Variants in DST observed in about 807,000 individuals in gnomAD.
DST encodes the protein dystonin.
Under a neutral mutation model 875.2 loss-of-function variants are expected in DST, and 253 were observed. The ratio of observed to expected loss-of-function variants is 0.29; its 90% confidence interval spans 0.26 to 0.32. The LOEUF is 0.32. Ranked by LOEUF, DST falls within the 10% of genes least tolerant of loss-of-function variation. The probability of loss-of-function intolerance (pLI) is 1.00; values close to 1 mark genes in which losing one functional copy is unlikely to be tolerated. For synonymous variants in DST, 3,124 were observed against 3,197.1 expected (o/e 0.98, Z 0.77); for missense variants, 8,287 against 9,111.6 (o/e 0.91, Z 3.68).
chr6:56,482,337 T>C (rs2095429824), intron 89 of DST, 159 bp from the exon 90 acceptor site: 1 of 858,844 alleles, frequency 1.2e-6, no homozygotes, highest in Non-Finnish European at 1.6e-6. Flanking sequence ...GAGATACACA[T>C]ATTTTACAAG....
chr6:56,839,544 G>A (rs2099797493), intron 4 of DST, among the ~76,000 whole-genome samples: 1 of 152,232 alleles, frequency 6.6e-6, no homozygotes, highest in South Asian at 2.1e-4. Flanking sequence ...TTGAAATCAA[G>A]TTTTTTCAGA....
rs768907971 is a variant in DST at position 56,506,707 on chromosome 6, C to T, written c.19322G>A (p.Gly6441Glu). The change falls in exon 76 of 104, where the codon GGG becomes GAG. Residue 6441 changes from glycine (G) to glutamate (E), a missense_variant. Transcript: ENST00000680361. ...CTTGACAATGGGTTTATCAGGCTCC[C>T]CACATGCCGCAATGAGTTCAGAACC... is the stretch of plus-strand genomic sequence containing the variant. ...NLGSELIAAC[G>E]EPDKPIVKKS... The T allele has an allele frequency of 2.0e-5, 32 of 1,613,538 alleles. No homozygotes were observed. The highest frequency in any genetic ancestry group is 2.5e-5 in the Non-Finnish European group (30 of 1,179,698).
At chr6:56,725,847 T>C (rs563580420) in intron 5 of DST, among the ~76,000 whole-genome samples, 3 of 152,158 alleles carry the variant, frequency 2.0e-5, no homozygotes, top group African/African-American at 7.2e-5. Flanking sequence ...TCTATACATA[T>C]GCAGCAGCAA....
At position 56,954,133 on chromosome 6, in the gene DST, T is replaced by C. The variant is rs147454833; in HGVS notation, c.181+274A>G. On this transcript the variant is annotated intron_variant, in intron 1 of 103. Coordinates refer to ENST00000680361, the MANE Select transcript of DST (RefSeq NM_001374736.1). ...GGCGCAGCCCCGGACTACGCTCAAA[T>C]TACCCTTAAGGCTTTAGCAAACTGA... Among the ~76,000 whole-genome samples, 64 of 152,340 alleles carry C rather than the reference T, an allele frequency of 4.2e-4. 1 individual carries two copies. In the East Asian group the frequency reaches 0.01, roughly 24 times the overall value.
intron 34 of DST, among the ~76,000 whole-genome samples, 177 bp from the exon 35 acceptor site, chr6:56,625,441 G>A (rs1255894178): frequency 6.6e-6 from 1 of 152,078 alleles, no homozygotes; most frequent in Non-Finnish European, 1.5e-5. Flanking sequence ...AAATATAGTC[G>A]TGTTTCACAT....
At chr6:56,735,314 G>A (rs1188113060) in intron 4 of DST, 25 bp from the exon 5 acceptor site, 1 of 1,368,228 alleles carries the variant, frequency 7.3e-7, no homozygotes, top group Admixed American at 2.0e-5. Flanking sequence ...TATATATAAA[G>A]ATAAGGTTGG....
chr6:56,820,711 T>C (rs955589914), intron 4 of DST, among the ~76,000 whole-genome samples: 1 of 152,174 alleles, frequency 6.6e-6, no homozygotes, highest in Non-Finnish European at 1.5e-5. Context: ...AAATAGCTGG[T>C]TGCCAAATAC....
chr6:56,857,672 A>C (rs1245472663), intron 3 of DST, among the ~76,000 whole-genome samples: 1 of 152,254 alleles, frequency 6.6e-6, no homozygotes, highest in African/African-American at 2.4e-5. Context: ...TTTTTTCTCC[A>C]AAATTAGGAA....
At chr6:56,805,598 T>C (rs890086675) in intron 4 of DST, among the ~76,000 whole-genome samples, 3 of 152,202 alleles carry the variant, frequency 2.0e-5, no homozygotes, top group African/African-American at 4.8e-5. Flanking sequence ...AAGACAAGCA[T>C]GGGATGTCAC....
Position 56,476,136 on chromosome 6 carries a change from A to G in DST, c.21864+13T>C. On this transcript the variant is annotated intron_variant, in intron 92 of 103. Coordinates refer to ENST00000680361, the MANE Select transcript of DST (RefSeq NM_001374736.1). ...ATAATGGTTAACAGGAGTTAGGATT[A>G]TATTTATTTTACCTGGTGTTCTGCA... 2.1e-5 allele frequency: 34 copies of G among 1,587,324 alleles called. No individual in the cohort carries two copies. The highest frequency in any genetic ancestry group is 2.8e-5 in the Non-Finnish European group (33 of 1,164,480).
intron 5 of DST, among the ~76,000 whole-genome samples, chr6:56,730,375 A>G (rs946197876): frequency 8.5e-5 from 13 of 152,066 alleles, no homozygotes; most frequent in African/African-American, 2.4e-4. Flanking sequence ...CCCCCACCCC[A>G]TTCCCCGAGA....
At position 56,604,336 on chromosome 6, in the gene DST, C is replaced by T; in HGVS notation, c.10292G>A (p.Arg3431Lys). The change falls in exon 40 of 104, where the codon AGA becomes AAA. Residue 3431 changes from arginine to lysine, a missense_variant. Arg to Lys is a conservative substitution (Grantham distance 26). Transcript: ENST00000680361. ...TNSSELKPESRDDPFCIGNLK... is the reference protein window; with the variant it reads ...TNSSELKPESKDDPFCIGNLK... ...ATTTCCAATACAGAAAGGATCATCT[C>T]TACTTTCTGGCTTTAGTTCTGATGA... The T allele has an allele frequency of 1.2e-6, 2 of 1,612,374 alleles. No homozygotes were observed. Among genetic ancestry groups the T allele is most frequent in the Non-Finnish European group, 1.7e-6 (2 of 1,179,034 alleles).
chr6:56,647,469 ACTCTAATGGAG>A (rs2098949946), intron 13 of DST, among the ~76,000 whole-genome samples: 1 of 151,996 alleles, frequency 6.6e-6, no homozygotes, highest in South Asian at 2.1e-4. Context: ...ACAATGAATA[ACTCTAATGGAG>A]CTCACCCTAG....
chr6:56,702,006 T>G, intron 7 of DST, 41 bp from the exon 8 acceptor site: 1 of 1,153,370 alleles, frequency 8.7e-7, no homozygotes, highest in South Asian at 1.3e-5. Flanking sequence ...GAGTTTCTGT[T>G]ATCACAGACC....
chr6:56,932,027 A>G (rs993759343), intron 2 of DST, among the ~76,000 whole-genome samples: 2 of 152,028 alleles, frequency 1.3e-5, no homozygotes, highest in Non-Finnish European at 2.9e-5. Flanking sequence ...AGGACATGAG[A>G]TTAGGAGGGG....
intron 61 of DST, chr6:56,540,140 G>A (rs2097100548): frequency 6.6e-6 from 1 of 152,308 alleles, no homozygotes; most frequent in African/African-American, 2.4e-5. Flanking sequence ...ATCTTGCAGG[G>A]TGCTAGTCAA....
chr6:56,821,237 G>T (rs147464272), intron 4 of DST, among the ~76,000 whole-genome samples: 125 of 152,296 alleles, frequency 8.2e-4, no homozygotes, highest in Non-Finnish European at 1.5e-3. Flanking sequence ...ATTACTCACT[G>T]CATGTCTTCT....
chr6:56,750,056 G>C (rs1481333863), intron 4 of DST, among the ~76,000 whole-genome samples: 2 of 152,118 alleles, frequency 1.3e-5, no homozygotes, highest in African/African-American at 2.4e-5. Context: ...CAGGAGTACA[G>C]ATGAGCAAAA....
chr6:56,561,287 A>T, intron 57 of DST, 21 bp downstream of exon 57: 1 of 1,593,252 alleles, frequency 6.3e-7, no homozygotes, highest in Non-Finnish European at 8.6e-7. Context: ...TGTCTTCCAT[A>T]GGTGCACCCA....
Sources: allele counts gnomAD v4.1 joint callset (sites outside exome capture counted in the v4.1 genomes callset), GRCh38; gene constraint gnomAD v4.1.1; transcripts MANE v1.5; gene names NCBI Gene and HGNC (gene_info 2026-07-23, HGNC 2026-07-21).